Variants in LRRC8B observed in about 807,000 individuals in gnomAD.
The protein encoded by LRRC8B is volume-regulated anion channel subunit LRRC8B.
LRRC8B carries 23 observed loss-of-function variants against 58.8 expected under a neutral mutation model. The observed-to-expected ratio is 0.39, with a 90% confidence interval of 0.28 to 0.55. The LOEUF (loss-of-function observed/expected upper bound fraction) is 0.55, where lower values mean the gene tolerates loss of function less well. Ranked by LOEUF, LRRC8B falls within the 20% of genes least tolerant of loss-of-function variation. The pLI is 0.62. For synonymous variants in LRRC8B, 359 were observed against 374.1 expected, an observed-to-expected ratio of 0.96 and a Z score of 0.47; for missense variants, 694 against 936.0, an observed-to-expected ratio of 0.74 and a Z score of 3.37.
chr1:89,560,220 T>C (rs1570600402), intron 1 of LRRC8B, among the ~76,000 whole-genome samples: 1 of 152,140 alleles, frequency 6.6e-6, no homozygotes, highest in East Asian at 1.9e-4. Context: ...CTTGTAGTGT[T>C]GATCCTTCCC....
chr1:89,564,890 G>A (rs1284302710), intron 1 of LRRC8B, among the ~76,000 whole-genome samples: 1 of 152,192 alleles, frequency 6.6e-6, no homozygotes, highest in Non-Finnish European at 1.5e-5. Context: ...TTTGTATTTG[G>A]TGGTCAGAAA....
intron 1 of LRRC8B, among the ~76,000 whole-genome samples, chr1:89,564,407 A>G (rs1357954664): frequency 6.6e-6 from 1 of 152,206 alleles, no homozygotes; most frequent in East Asian, 1.9e-4. Flanking sequence ...ATTCTATATA[A>G]AACTCCTTTT....
At chr1:89,574,599 C>A (rs61801960) in intron 3 of LRRC8B, among the ~76,000 whole-genome samples, 8 of 152,062 alleles carry the variant, frequency 5.3e-5, no homozygotes, top group Non-Finnish European at 7.4e-5. Flanking sequence ...TTTTTTAACT[C>A]CCCTTTTTTT....
intron 1 of LRRC8B, among the ~76,000 whole-genome samples, chr1:89,540,216 A>C (rs1650854585): frequency 1.3e-5 from 2 of 152,190 alleles, no homozygotes; most frequent in Non-Finnish European, 2.9e-5. Context: ...GTATAGTTTT[A>C]AAATAATACT....
chr1:89,573,881 C>T (rs1314483572), intron 3 of LRRC8B, among the ~76,000 whole-genome samples: 2 of 152,216 alleles, frequency 1.3e-5, no homozygotes, highest in Non-Finnish European at 2.9e-5. Context: ...GCAACTCTGC[C>T]TATCAAGAGG....
At chr1:89,563,123 T>G (rs359944) in intron 1 of LRRC8B, among the ~76,000 whole-genome samples, 6,101 of 152,260 alleles carry the variant, frequency 0.04, 407 homozygotes, top group African/African-American at 0.14. Flanking sequence ...TTTAAAGCAA[T>G]AAGAACAGTT....
chr1:89,585,057 A>G (rs1363382442), intron 5 of LRRC8B, among the ~76,000 whole-genome samples: 1 of 152,224 alleles, frequency 6.6e-6, no homozygotes. Flanking sequence ...TTTTTTTCCC[A>G]GTTTTCTACA....
At chr1:89,533,450 G>T (rs528919718) in intron 1 of LRRC8B, among the ~76,000 whole-genome samples, 96 of 152,190 alleles carry the variant, frequency 6.3e-4, no homozygotes, top group Non-Finnish European at 1.0e-3. Flanking sequence ...TAGATAGCCA[G>T]ATGGCTTCAT....
At chr1:89,526,579 G>A (rs1388688137) in intron 1 of LRRC8B, among the ~76,000 whole-genome samples, 1 of 152,170 alleles carries the variant, frequency 6.6e-6, no homozygotes, top group African/African-American at 2.4e-5. Context: ...TCTACTCAGA[G>A]AATATAAAGT....
At chr1:89,542,696 T>C (rs1332419834) in intron 1 of LRRC8B, among the ~76,000 whole-genome samples, 1 of 152,242 alleles carries the variant, frequency 6.6e-6, no homozygotes, top group Non-Finnish European at 1.5e-5. Context: ...TGCCAATCTG[T>C]AGTGGAGAAA....
chr1:89,581,273 C>CAAAA (rs5776023), intron 4 of LRRC8B, among the ~76,000 whole-genome samples: 1 of 72,558 alleles, frequency 1.4e-5, no homozygotes, highest in Non-Finnish European at 2.5e-5. Flanking sequence ...GACTCCGTCT[C>CAAAA]AAAAAAAAAA....
intron 1 of LRRC8B, among the ~76,000 whole-genome samples, chr1:89,553,613 C>T (rs1651972324): frequency 6.6e-6 from 1 of 152,112 alleles, no homozygotes; most frequent in Non-Finnish European, 1.5e-5. Flanking sequence ...AAATTTATTT[C>T]TCTTTGGAAA....
At chr1:89,577,334 A>G (rs912637841) in intron 3 of LRRC8B, among the ~76,000 whole-genome samples, 1 of 152,204 alleles carries the variant, frequency 6.6e-6, no homozygotes, top group Admixed American at 6.5e-5. Flanking sequence ...TTACAGTCTT[A>G]GAGACTTTGG....
intron 1 of LRRC8B, among the ~76,000 whole-genome samples, chr1:89,539,783 G>A (rs934847625): frequency 2.0e-5 from 3 of 152,082 alleles, no homozygotes; most frequent in Non-Finnish European, 4.4e-5. Flanking sequence ...CCCACTTCAA[G>A]GTACTTAGCC....
intron 1 of LRRC8B, among the ~76,000 whole-genome samples, chr1:89,542,656 T>C (rs1651100713): frequency 2.0e-5 from 3 of 152,260 alleles, no homozygotes; most frequent in Admixed American, 6.5e-5. Context: ...TATTTGTGCA[T>C]GTTTAGATAA....
At chr1:89,590,003 G>C (rs1654879320) in intron 5 of LRRC8B, among the ~76,000 whole-genome samples, 1 of 152,070 alleles carries the variant, frequency 6.6e-6, no homozygotes, top group East Asian at 1.9e-4. Context: ...CTATTTTGTA[G>C]TTTATCATAT....
intron 3 of LRRC8B, among the ~76,000 whole-genome samples, chr1:89,571,891 G>A (rs1653501155): frequency 6.6e-6 from 1 of 152,050 alleles, no homozygotes; most frequent in African/African-American, 2.4e-5. Context: ...TGTTGTTTTG[G>A]TTGGATAGTT....
At position 89,584,300 on chromosome 1, in the gene LRRC8B, C is replaced by T. The variant is rs781672750; in HGVS notation, c.1650C>T (p.Ser550=). The T allele has an allele frequency of 6.2e-7, 1 of 1,614,076 alleles. No individual in the cohort carries two copies. Among genetic ancestry groups the T allele is most frequent in the Non-Finnish European group, 8.5e-7 (1 of 1,180,026 alleles). The change falls in exon 5 of 6, where the codon TCC becomes TCT. Residue 550 remains serine, a synonymous_variant. Coordinates refer to ENST00000330947, the MANE Select transcript of LRRC8B (RefSeq NM_001369817.2). ...CCCTGTACTTGAAGAGCAGCCTCTCCCGGATCCCACAAGTTGTTACAGACC... is the reference window on the plus strand; with the variant it reads ...CCCTGTACTTGAAGAGCAGCCTCTCTCGGATCCCACAAGTTGTTACAGACC... ...LRTLYLKSSL[S]RIPQVVTDLL... is the part of the protein sequence containing the mutation.
chr1:89,596,480 C>T lies in LRRC8B; in HGVS notation c.*3437C>T, dbSNP rs1041002190. 6 of 151,818 alleles carry T rather than the reference C, an allele frequency of 4.0e-5. No individual in the cohort carries two copies. Among genetic ancestry groups the T allele is most frequent in the Admixed American group, 6.6e-5 (1 of 15,256 alleles). 9.4% of individuals were successfully genotyped at this position (151,818 alleles called of 1,614,324 possible). ...TGTTTGATAGTGAAAAATTTTTTTTCGGTTCAAGTGTTTTGTGATTAAAAT... is the reference window on the plus strand; with the variant it reads ...TGTTTGATAGTGAAAAATTTTTTTTTGGTTCAAGTGTTTTGTGATTAAAAT... On this transcript the variant is annotated 3_prime_UTR_variant, in exon 6 of 6. Coordinates refer to ENST00000330947, the MANE Select transcript of LRRC8B (RefSeq NM_001369817.2).
Sources: allele counts gnomAD v4.1 joint callset (sites outside exome capture counted in the v4.1 genomes callset), GRCh38; gene constraint gnomAD v4.1.1; transcripts MANE v1.5; gene names NCBI Gene and HGNC (gene_info 2026-07-23, HGNC 2026-07-21).